CDK14: variants seen among roughly 807,000 people sequenced by gnomAD.
The protein encoded by CDK14 is cyclin dependent kinase 14.
CDK14 carries 34 observed loss-of-function variants against 60.7 expected under a neutral mutation model. That is an observed-to-expected ratio of 0.56 (90% CI 0.43 to 0.75). CDK14 has a LOEUF of 0.75. Ranked by LOEUF, CDK14 falls within the 30% of genes least tolerant of loss-of-function variation. CDK14 has a pLI of 0.00. For synonymous variants in CDK14, 197 were observed against 203.7 expected, an observed-to-expected ratio of 0.97 and a Z score of 0.28; for missense variants, 482 against 564.1, an observed-to-expected ratio of 0.85 and a Z score of 1.47.
At chr7:90,817,137 A>G (rs1195617708) in intron 5 of CDK14, among the ~76,000 whole-genome samples, 6 of 152,224 alleles carry the variant, frequency 3.9e-5, no homozygotes, top group Admixed American at 3.9e-4. Context: ...AAAGACTATC[A>G]AATAATTCCT....
intron 2 of CDK14, among the ~76,000 whole-genome samples, chr7:90,675,693 C>A (rs1801184492): frequency 6.6e-6 from 1 of 152,166 alleles, no homozygotes; most frequent in African/African-American, 2.4e-5. Context: ...AAATGGGCTG[C>A]TTTCTAAATC....
chr7:90,826,678 C>T (rs1260755265), intron 5 of CDK14, among the ~76,000 whole-genome samples: 2 of 151,980 alleles, frequency 1.3e-5, no homozygotes, highest in Non-Finnish European at 2.9e-5. Flanking sequence ...TTTCATTACA[C>T]TTGCATAGTC....
chr7:91,007,373 C>A (rs1295440639), intron 10 of CDK14, among the ~76,000 whole-genome samples: 1 of 152,202 alleles, frequency 6.6e-6, no homozygotes, highest in Middle Eastern at 3.2e-3. Flanking sequence ...CCAGACTTTC[C>A]TGGGACTTAC....
At chr7:91,186,783 G>A (rs1802205556) in intron 14 of CDK14, among the ~76,000 whole-genome samples, 1 of 152,104 alleles carries the variant, frequency 6.6e-6, no homozygotes, top group African/African-American at 2.4e-5. Flanking sequence ...CTGAGACAAG[G>A]AAAAAGCCTG....
intron 10 of CDK14, among the ~76,000 whole-genome samples, chr7:90,985,637 T>C (rs973634832): frequency 6.6e-6 from 1 of 152,118 alleles, no homozygotes; most frequent in African/African-American, 2.4e-5. Context: ...TGAGGCCCCA[T>C]CACTATTGTA....
At chr7:91,021,296 C>CAAA (rs1796428411) in intron 10 of CDK14, among the ~76,000 whole-genome samples, 1 of 152,148 alleles carries the variant, frequency 6.6e-6, no homozygotes, top group African/African-American at 2.4e-5. Context: ...TGGGACTTAA[C>CAAA]CTCTGTGTCC....
intron 4 of CDK14, among the ~76,000 whole-genome samples, chr7:90,786,200 A>G (rs1043829514): frequency 1.3e-5 from 2 of 152,238 alleles, no homozygotes; most frequent in African/African-American, 4.8e-5. Context: ...GCTTAAAGCA[A>G]CTACAGGCAA....
In CDK14 at chr7:91,180,782, A is replaced by G. The variant is rs896517613; in HGVS notation, c.*29-26383A>G. Among the ~76,000 whole-genome samples the G allele has an allele frequency of 2.6e-5, 4 of 152,212 alleles. No homozygotes were observed. The South Asian group carries it at 8.3e-4, about 32-fold the overall frequency. On this transcript the variant is annotated intron_variant, in intron 14 of 14. Transcript: ENST00000380050. ...TTGACTGGGATTTAGAGGAGGAGAA[A>G]GGAAGAGATGAATATTCAAGGAGGC...
chr7:90,880,601 T>C (rs1791714875), intron 6 of CDK14, among the ~76,000 whole-genome samples: 1 of 152,108 alleles, frequency 6.6e-6, no homozygotes, highest in Admixed American at 6.5e-5. Flanking sequence ...CCTTAAATAG[T>C]TCCTGCTCCC....
chr7:91,201,670 A>T (rs1562992807), intron 14 of CDK14, among the ~76,000 whole-genome samples: 1 of 152,160 alleles, frequency 6.6e-6, no homozygotes. Flanking sequence ...CCGGCATGTA[A>T]ACTGCATGCA....
intron 5 of CDK14, among the ~76,000 whole-genome samples, chr7:90,810,042 T>C (rs1232175017): frequency 1.3e-5 from 2 of 152,100 alleles, no homozygotes; most frequent in Admixed American, 1.3e-4. Flanking sequence ...ACCAGAGGTA[T>C]AAGGAGGAGC....
intron 6 of CDK14, among the ~76,000 whole-genome samples, chr7:90,892,724 G>A (rs1425930764): frequency 6.6e-6 from 1 of 152,110 alleles, no homozygotes; most frequent in Non-Finnish European, 1.5e-5. Context: ...TAAATAACCA[G>A]ATAAATGCTA....
intron 2 of CDK14, among the ~76,000 whole-genome samples, chr7:90,718,584 T>C (rs1284400395): frequency 6.6e-6 from 1 of 152,126 alleles, no homozygotes; most frequent in African/African-American, 2.4e-5. Context: ...TAGATAATGT[T>C]CTGAAGGTGA....
intron 2 of CDK14, among the ~76,000 whole-genome samples, chr7:90,645,983 A>G (rs560575422): frequency 1.3e-5 from 2 of 152,314 alleles, no homozygotes; most frequent in South Asian, 2.1e-4. Context: ...GAAAATCACA[A>G]CTGACATTTA....
chr7:90,636,387 A>G (rs894232546), intron 2 of CDK14, among the ~76,000 whole-genome samples: 1 of 152,210 alleles, frequency 6.6e-6, no homozygotes, highest in Non-Finnish European at 1.5e-5. Context: ...ATCTATTGAG[A>G]TAATCATGTG....
intron 1 of CDK14, among the ~76,000 whole-genome samples, chr7:90,599,254 C>A (rs552907553): frequency 2.0e-5 from 3 of 152,196 alleles, no homozygotes; most frequent in Non-Finnish European, 4.4e-5. Context: ...AGTAAACGTT[C>A]AAGATATGTT....
At chr7:91,079,648 C>T (rs1798429130) in intron 12 of CDK14, among the ~76,000 whole-genome samples, 168 bp downstream of exon 12, 1 of 152,146 alleles carries the variant, frequency 6.6e-6, no homozygotes, top group African/African-American at 2.4e-5. Context: ...CTACTATGTT[C>T]AGCCTGAGCC....
chr7:90,926,179 T>C (rs945896691), intron 8 of CDK14, among the ~76,000 whole-genome samples: 1 of 152,104 alleles, frequency 6.6e-6, no homozygotes, highest in Non-Finnish European at 1.5e-5. Flanking sequence ...TGTGAGAAGG[T>C]AGGAGTGCTA....
At chr7:90,865,298 T>C (rs1791140677) in intron 6 of CDK14, among the ~76,000 whole-genome samples, 1 of 152,148 alleles carries the variant, frequency 6.6e-6, no homozygotes, top group South Asian at 2.1e-4. Flanking sequence ...TGGGAAGGTG[T>C]AGATTTCTCA....
Sources: allele counts gnomAD v4.1 joint callset (sites outside exome capture counted in the v4.1 genomes callset), GRCh38; gene constraint gnomAD v4.1.1; transcripts MANE v1.5; gene names NCBI Gene and HGNC (gene_info 2026-07-23, HGNC 2026-07-21).